SLC35F4: variants seen among roughly 807,000 people sequenced by gnomAD.
SLC35F4 encodes the protein chromosome 14 open reading frame 36.
SLC35F4 carries 24 observed loss-of-function variants against 44.2 expected under a neutral mutation model. The ratio of observed to expected loss-of-function variants is 0.54; its 90% CI spans 0.39 to 0.76. SLC35F4 has a LOEUF of 0.76. Ranked by LOEUF, SLC35F4 falls within the 30% of genes least tolerant of loss-of-function variation. The pLI is 0.00. For missense variants in SLC35F4, 562 were observed against 586.1 expected (o/e 0.96, Z 0.42); for synonymous variants, 238 against 223.6 (o/e 1.06, Z -0.57).
chr14:57,658,639 T>C (rs1466686792), intron 1 of SLC35F4, among the ~76,000 whole-genome samples: 1 of 152,176 alleles, frequency 6.6e-6, no homozygotes, highest in Non-Finnish European at 1.5e-5. Flanking sequence ...CAAACACCAA[T>C]TCCTAAACTG....
At chr14:57,650,123 C>T (rs529071258) in intron 1 of SLC35F4, among the ~76,000 whole-genome samples, 2 of 152,162 alleles carry the variant, frequency 1.3e-5, no homozygotes, top group South Asian at 2.1e-4. Flanking sequence ...AATGTTGGAG[C>T]GCCCGAGGTC....
intron 1 of SLC35F4, among the ~76,000 whole-genome samples, chr14:57,806,286 GC>G (rs781643981): frequency 6.6e-6 from 1 of 152,082 alleles, no homozygotes; most frequent in Non-Finnish European, 1.5e-5. Flanking sequence ...AAAGTACATT[GC>G]TAACCAGAGC....
intron 1 of SLC35F4, among the ~76,000 whole-genome samples, chr14:57,687,432 CTA>C (rs1212694521): frequency 6.6e-6 from 1 of 152,150 alleles, no homozygotes; most frequent in Admixed American, 6.6e-5. Flanking sequence ...TAAATAGCTG[CTA>C]TTTGAACACT....
intron 1 of SLC35F4, among the ~76,000 whole-genome samples, chr14:57,795,962 C>T (rs758324426): frequency 6.6e-6 from 1 of 152,138 alleles, no homozygotes; most frequent in Non-Finnish European, 1.5e-5. Flanking sequence ...ACCCTCCACC[C>T]TCAAGTAGGC....
chr14:57,721,081 G>A (rs2076077063), intron 1 of SLC35F4, among the ~76,000 whole-genome samples: 1 of 145,704 alleles, frequency 6.9e-6, no homozygotes, highest in Non-Finnish European at 1.5e-5. Context: ...AGAGAACCAT[G>A]AGTAATACAG....
intron 1 of SLC35F4, among the ~76,000 whole-genome samples, chr14:57,845,519 C>T (rs1248367933): frequency 6.6e-6 from 1 of 152,176 alleles, no homozygotes; most frequent in Non-Finnish European, 1.5e-5. Flanking sequence ...CATTACTCTG[C>T]AAACAATTCA....
intron 1 of SLC35F4, among the ~76,000 whole-genome samples, chr14:57,963,052 A>C (rs893156337): frequency 6.6e-6 from 1 of 152,204 alleles, no homozygotes; most frequent in Non-Finnish European, 1.5e-5. Flanking sequence ...CAAGTGTCAA[A>C]AATGAGAACA....
intron 1 of SLC35F4, among the ~76,000 whole-genome samples, chr14:57,880,859 C>T (rs1566920263): frequency 6.6e-6 from 1 of 152,104 alleles, no homozygotes; most frequent in Non-Finnish European, 1.5e-5. Context: ...TCACGTTAAA[C>T]AAACTCACAA....
intron 1 of SLC35F4, among the ~76,000 whole-genome samples, chr14:57,640,205 G>A (rs1272750073): frequency 1.3e-5 from 2 of 151,916 alleles, no homozygotes; most frequent in African/African-American, 4.8e-5. Context: ...GAGGATCTGT[G>A]TGTTCCAACA....
chr14:57,757,996 G>A (rs1340705652), intron 1 of SLC35F4, among the ~76,000 whole-genome samples: 1 of 122,506 alleles, frequency 8.2e-6, no homozygotes. Flanking sequence ...TAGGATTATA[G>A]GTTCATGTGT....
chr14:57,594,111 T>C lies in SLC35F4; in HGVS notation c.117A>G (p.Ser39=). The change falls in exon 2 of 8, where the codon TCA becomes TCG. Residue 39 remains serine (S), a synonymous_variant. Coordinates refer to ENST00000556826, the MANE Select transcript of SLC35F4 (RefSeq NM_001306087.2). ...CTCCTGGTTTACATCTAGTGACTGA[T>C]GATCTGGAGGTACCTGGAAAGACAG... ...GYSSQKSTSR[S]SVTRCKPGAN... The C allele has an allele frequency of 6.2e-7, 1 of 1,613,726 alleles. No homozygotes were observed. The highest frequency in any genetic ancestry group is 8.5e-7 in the Non-Finnish European group (1 of 1,179,782).
At chr14:57,663,454 G>T (rs2074204383) in intron 1 of SLC35F4, among the ~76,000 whole-genome samples, 1 of 152,100 alleles carries the variant, frequency 6.6e-6, no homozygotes, top group Non-Finnish European at 1.5e-5. Context: ...TACTGCCAAA[G>T]CCTCATAATT....
intron 1 of SLC35F4, among the ~76,000 whole-genome samples, chr14:57,877,377 C>CCA (rs1365695632): frequency 6.6e-6 from 1 of 152,122 alleles, no homozygotes. Context: ...TACATGTGTA[C>CCA]CACATTTTTA....
chr14:57,812,805 AATACCAC>A (rs1882120787), intron 1 of SLC35F4, among the ~76,000 whole-genome samples: 1 of 152,182 alleles, frequency 6.6e-6, no homozygotes, highest in Non-Finnish European at 1.5e-5. Context: ...AGTCACAGAA[AATACCAC>A]ATGTACAGTA....
intron 1 of SLC35F4, among the ~76,000 whole-genome samples, chr14:57,698,988 G>A (rs546243488): frequency 1.9e-4 from 29 of 152,242 alleles, no homozygotes; most frequent in African/African-American, 7.0e-4. Flanking sequence ...ACCAAAAAAG[G>A]AGAATTTGCT....
chr14:57,740,912 C>A (rs369951393), intron 1 of SLC35F4, among the ~76,000 whole-genome samples: 55 of 152,162 alleles, frequency 3.6e-4, no homozygotes, highest in African/African-American at 1.2e-3. Context: ...CGGCCGGGTG[C>A]CCCTCTGAGA....
intron 1 of SLC35F4, among the ~76,000 whole-genome samples, chr14:57,877,841 T>C (rs890907248): frequency 7.2e-5 from 11 of 151,790 alleles, no homozygotes; most frequent in African/African-American, 2.4e-4. Flanking sequence ...TATGCCACCA[T>C]ACCTGGCTAA....
chr14:57,754,104 T>G lies in SLC35F4; in HGVS notation c.103+111619A>C, dbSNP rs2076945118. Among the ~76,000 whole-genome samples the G allele has an allele frequency of 1.4e-5, 2 of 144,592 alleles. 1 individual carries two copies. The allele number at this position is 144,592 out of a possible 152,430, so 94.9% of individuals were successfully genotyped here. A position where few individuals can be genotyped will look rare whatever the true frequency, so the allele number is the denominator to read the frequency against. On this transcript the variant is annotated intron_variant, in intron 1 of 7. Transcript: ENST00000556826. Reference sequence around the variant, plus strand: ...TACAATGACTAACCCAATGCTTTTTTTTTTTTTTTTTTTTTTTGAGATGAG... The same window carrying G: ...TACAATGACTAACCCAATGCTTTTTGTTTTTTTTTTTTTTTTTGAGATGAG...
intron 1 of SLC35F4, among the ~76,000 whole-genome samples, chr14:57,981,666 G>A (rs1352119350): frequency 6.6e-6 from 1 of 151,984 alleles, no homozygotes; most frequent in Non-Finnish European, 1.5e-5. Context: ...TATTATCCAC[G>A]GTGGTAAATC....
Sources: allele counts gnomAD v4.1 joint callset (sites outside exome capture counted in the v4.1 genomes callset), GRCh38; gene constraint gnomAD v4.1.1; transcripts MANE v1.5; gene names NCBI Gene and HGNC (gene_info 2026-07-23, HGNC 2026-07-21).